Variants in AGAP1 observed in about 807,000 individuals in gnomAD.
The protein encoded by AGAP1 is arf-GAP with GTPase, ANK repeat and PH domain-containing protein 1.
In AGAP1, 29 loss-of-function variants were observed where a neutral mutation model predicts 105.3. The ratio of observed to expected loss-of-function variants is 0.28; its 90% CI spans 0.21 to 0.38. The LOEUF (loss-of-function observed/expected upper bound fraction) is 0.38. AGAP1 is among the 10% of genes least tolerant of loss of function. AGAP1 has a pLI of 1.00. For missense variants in AGAP1, 998 were observed against 1,165.1 expected (o/e 0.86, Z 2.09); for synonymous variants, 509 against 485.9 (o/e 1.05, Z -0.63).
rs1238032897 is a variant in AGAP1, at chr2:235,559,173, C to T, written c.163+64324C>T. The stretch of plus-strand genomic sequence containing the variant: ...AACTCCTGGGCTTAAGTGATCCTCG[C>T]ACCTCAGCTTCCCAAAGTGCTGGGA... On this transcript the variant is annotated intron_variant, in intron 1 of 17. Coordinates refer to ENST00000304032, the MANE Select transcript of AGAP1 (RefSeq NM_001037131.3). The surrounding 1 kb of genome is among the most constrained non-coding windows in gnomAD (Gnocchi z 5.7). Among the ~76,000 whole-genome samples, 2 of 152,196 alleles carry T rather than the reference C, an allele frequency of 1.3e-5. No homozygotes were observed. Among genetic ancestry groups the T allele is most frequent in the Non-Finnish European group, 2.9e-5 (2 of 68,038 alleles).
intron 1 of AGAP1, chr2:235,670,704 A>C (rs1429975214): frequency 1.3e-6 from 1 of 752,246 alleles, no homozygotes; most frequent in Admixed American, 2.1e-5. Context: ...ACCGCCACGC[A>C]GCCCGCCTCG....
chr2:235,828,412 C>T (rs1249924666), intron 9 of AGAP1, among the ~76,000 whole-genome samples: 1 of 152,194 alleles, frequency 6.6e-6, no homozygotes, highest in African/African-American at 2.4e-5. Flanking sequence ...CCCCATTTCA[C>T]AGACAGAATG....
Position 235,889,497 on chromosome 2 carries a change from G to T in AGAP1, c.1155+6048G>T, listed in dbSNP as rs2050427003. 6.6e-6 allele frequency among the ~76,000 whole-genome samples: 1 copy of T among 151,304 alleles called. No individual in the cohort carries two copies. Among genetic ancestry groups the T allele is most frequent in the Admixed American group, 6.6e-5 (1 of 15,204 alleles). On this transcript the variant is annotated intron_variant, in intron 10 of 17. Coordinates refer to ENST00000304032, the MANE Select transcript of AGAP1 (RefSeq NM_001037131.3). The surrounding 1 kb of genome is among the most constrained non-coding windows in gnomAD (Gnocchi z 4.6). The stretch of plus-strand genomic sequence containing the variant: ...ATGTCACTTTCCTTCCCACTTAATT[G>T]CTTTGGATTTCTCTTTCCTTTCTCG...
rs1249002132 is a variant in AGAP1, at chr2:235,956,090, G to A, written c.1484-12372G>A. ...GACGCATTCAGTCTCTCCCCAGCCT[G>A]CTCACCCTCACACGTGAAACAGAAT... is the stretch of plus-strand genomic sequence containing the variant. On this transcript the variant is annotated intron_variant, in intron 12 of 17. Coordinates refer to ENST00000304032, the MANE Select transcript of AGAP1 (RefSeq NM_001037131.3). Among the ~76,000 whole-genome samples the A allele has an allele frequency of 2.0e-5, 3 of 152,272 alleles. No individual in the cohort carries two copies. In the South Asian group the frequency reaches 6.2e-4, roughly 32 times the overall value.
At position 235,538,460 on chromosome 2, in the gene AGAP1, T is replaced by TGTGTGTGTGTGTGTGC. The variant is rs1553561884; in HGVS notation, c.163+43612_163+43613insTGTGTGTGTGTGTGCG. ...GTGTGTGTGTGTGTGTGTGTGTGTG[T>TGTGTGTGTGTGTGTGC]GCATGCTTGTACGCCTGTGCACAGA... On this transcript the variant is annotated intron_variant, in intron 1 of 17. Coordinates refer to ENST00000304032, the MANE Select transcript of AGAP1 (RefSeq NM_001037131.3). Among the ~76,000 whole-genome samples, 351 of 150,546 alleles carry TGTGTGTGTGTGTGTGC rather than the reference T, an allele frequency of 2.3e-3. 3 individuals are homozygous for TGTGTGTGTGTGTGTGC. The highest frequency in any genetic ancestry group is 7.7e-3 in the African/African-American group (309 of 40,190).
chr2:235,607,565 T>C (rs896522221), intron 1 of AGAP1, among the ~76,000 whole-genome samples: 1 of 152,238 alleles, frequency 6.6e-6, no homozygotes, highest in South Asian at 2.1e-4. Flanking sequence ...GAGATTGATC[T>C]GGGGTTACCT....
intron 16 of AGAP1, among the ~76,000 whole-genome samples, chr2:236,086,998 C>T (rs1028929144): frequency 6.6e-6 from 1 of 151,874 alleles, no homozygotes; most frequent in Non-Finnish European, 1.5e-5. Context: ...GGCAAACACT[C>T]GGGAAACCCA....
rs369129304 is a variant in AGAP1 at position 235,590,712 on chromosome 2, T to TGTGTGCGCGC, written c.163+95864_163+95865insTGTGCGCGCG. Among the ~76,000 whole-genome samples, 104 of 117,046 alleles carry TGTGTGCGCGC rather than the reference T, an allele frequency of 8.9e-4. 4 individuals carry two copies. Among genetic ancestry groups the TGTGTGCGCGC allele is most frequent in the South Asian group, 2.2e-3 (8 of 3,566 alleles). The allele number at this position is 117,046 out of a possible 152,430, so 76.8% of individuals were successfully genotyped here. ...GTGTGCGTGTGTGTGTGTGTGTGTG[T>TGTGTGCGCGC]GCATTTTTTTTTTTTTTTTTTTTTT... On this transcript the variant is annotated intron_variant, in intron 1 of 17. Transcript: ENST00000304032.
At position 235,992,079 on chromosome 2, in the gene AGAP1, T is replaced by G. The variant is rs151200734; in HGVS notation, c.1645+23456T>G. ...TCCACAGGACATGGCCGTAGCCGTGTGTGGAGAAGGGTTGTGATGGTGGCC... is the reference window on the plus strand; with the variant it reads ...TCCACAGGACATGGCCGTAGCCGTGGGTGGAGAAGGGTTGTGATGGTGGCC... On this transcript the variant is annotated intron_variant, in intron 13 of 17. Transcript: ENST00000304032. This position sits in a 1 kb window ranked among gnomAD's most constrained non-coding sequence, Gnocchi z 4.8. 3.7e-3 allele frequency among the ~76,000 whole-genome samples: 566 copies of G among 152,280 alleles called. 5 individuals carry two copies. The highest frequency in any genetic ancestry group is 0.021 in the Admixed American group (318 of 15,298).
intron 2 of AGAP1, 66 bp downstream of exon 2, chr2:235,709,303 C>G (rs557771844): frequency 1.3e-6 from 2 of 1,541,756 alleles, no homozygotes; most frequent in East Asian, 4.5e-5. Flanking sequence ...CCCAAGCCTG[C>G]ATTCCCAGGC....
At position 235,611,540 on chromosome 2, in the gene AGAP1, A is replaced by C. The variant is rs1293252779; in HGVS notation, c.164-97639A>C. ...AGGTGGTGATTTATGATGCCTGTGT[A>C]CTTCCCTGTGGTGCCCAGGCCTGCA... is the stretch of plus-strand genomic sequence containing the variant. On this transcript the variant is annotated intron_variant, in intron 1 of 17. Transcript: ENST00000304032. This position sits in a 1 kb window ranked among gnomAD's most constrained non-coding sequence, Gnocchi z 5.0. Among the ~76,000 whole-genome samples, 3 of 152,094 alleles carry C rather than the reference A, an allele frequency of 2.0e-5. No homozygotes were observed. Among genetic ancestry groups the C allele is most frequent in the Admixed American group, 2.0e-4 (3 of 15,262 alleles).
chr2:235,803,447 G>A (rs951310334), intron 8 of AGAP1, among the ~76,000 whole-genome samples: 3 of 152,190 alleles, frequency 2.0e-5, no homozygotes, highest in African/African-American at 4.8e-5. Context: ...GTCAAAATGT[G>A]TATTTATTTG....
At chr2:235,851,704 A>G (rs1484929365) in intron 9 of AGAP1, among the ~76,000 whole-genome samples, 5 of 152,124 alleles carry the variant, frequency 3.3e-5, no homozygotes, top group African/African-American at 1.2e-4. Context: ...ATGAACAGAA[A>G]GAAGAAGAAG....
At chr2:235,564,115 G>T (rs140946672) in intron 1 of AGAP1, among the ~76,000 whole-genome samples, 1 of 152,180 alleles carries the variant, frequency 6.6e-6, no homozygotes, top group Non-Finnish European at 1.5e-5. Context: ...GTCAATGTAC[G>T]TTTTTTCTTT....
chr2:235,519,461 G>A (rs762647869), intron 1 of AGAP1, among the ~76,000 whole-genome samples: 37 of 152,102 alleles, frequency 2.4e-4, no homozygotes, highest in Non-Finnish European at 4.6e-4. Context: ...GAGACTAAGA[G>A]TATTGAGTGA....
intron 1 of AGAP1, among the ~76,000 whole-genome samples, chr2:235,693,772 A>T (rs1298913416): frequency 6.6e-6 from 1 of 152,206 alleles, no homozygotes; most frequent in Non-Finnish European, 1.5e-5. Context: ...TTAACTGAGA[A>T]TAGATTTGAA....
chr2:235,670,600 G>T (rs1948346809), intron 1 of AGAP1: 1 of 566,164 alleles, frequency 1.8e-6, no homozygotes, highest in Non-Finnish European at 3.1e-6. Flanking sequence ...CGCAAGGCCG[G>T]ACACTGGGCG....
intron 1 of AGAP1, among the ~76,000 whole-genome samples, chr2:235,681,019 T>C (rs1949038075): frequency 6.7e-6 from 1 of 149,578 alleles, no homozygotes; most frequent in South Asian, 2.3e-4. Flanking sequence ...CCCTCCCCCT[T>C]TTCTTTTTAG....
rs1950902645 is a variant in AGAP1, at chr2:235,712,463, C to G, written c.222+3226C>G. ...TGTCAGAGGGGAAGGCACATAGGCT[C>G]TGGACATCTTGCCTGTGTAGGGGAC... On this transcript the variant is annotated intron_variant, in intron 2 of 17. Transcript: ENST00000304032. This position sits in a 1 kb window ranked among gnomAD's most constrained non-coding sequence, Gnocchi z 6.0. 6.6e-6 allele frequency among the ~76,000 whole-genome samples: 1 copy of G among 152,260 alleles called. No homozygotes were observed. The highest frequency in any genetic ancestry group is 1.5e-5 in the Non-Finnish European group (1 of 68,054).
Sources: allele counts gnomAD v4.1 joint callset (sites outside exome capture counted in the v4.1 genomes callset), GRCh38; gene constraint gnomAD v4.1.1; non-coding constraint Gnocchi (gnomAD v3.1); transcripts MANE v1.5; gene names NCBI Gene and HGNC (gene_info 2026-07-23, HGNC 2026-07-21).